Variants in SLC9A8 observed in about 807,000 individuals in gnomAD.
SLC9A8 encodes the protein sodium/hydrogen exchanger 8.
Under a neutral mutation model 66.6 loss-of-function variants are expected in SLC9A8, and 48 were observed. That is an observed-to-expected ratio of 0.72 (90% CI 0.57 to 0.92). The LOEUF is 0.92. Ranked by LOEUF, SLC9A8 falls within the 40% of genes least tolerant of loss-of-function variation. SLC9A8 has a pLI of 0.00. For missense variants in SLC9A8, 599 were observed against 747.3 expected (o/e 0.80, Z 2.31); for synonymous variants, 274 against 282.6 (o/e 0.97, Z 0.31).
At chr20:49,868,777 G>A (rs2089078074) in intron 10 of SLC9A8, among the ~76,000 whole-genome samples, 1 of 152,202 alleles carries the variant, frequency 6.6e-6, no homozygotes, top group African/African-American at 2.4e-5. Context: ...TTGCTGAGGA[G>A]TGGGGAGCGA....
chr20:49,885,431 T>A lies in SLC9A8; in HGVS notation c.1492-1321T>A, dbSNP rs149166956. Reference sequence around the variant, plus strand: ...GCCCAGACCTCTTGGGCTCAAGCGATCCTCCCACCTCAGCCTCTGGAGTAG... The same window carrying A: ...GCCCAGACCTCTTGGGCTCAAGCGAACCTCCCACCTCAGCCTCTGGAGTAG... On this transcript the variant is annotated intron_variant, in intron 14 of 15. Coordinates refer to ENST00000361573, the MANE Select transcript of SLC9A8 (RefSeq NM_015266.3). Among the ~76,000 whole-genome samples the A allele has an allele frequency of 5.2e-4, 79 of 152,284 alleles. No homozygotes were observed. The East Asian group carries it at 0.014, about 28-fold the overall frequency.
Position 49,888,237 on chromosome 20 carries a change from T to G in SLC9A8, c.*301T>G. 1 of 324,694 alleles carries G rather than the reference T, an allele frequency of 3.1e-6. No homozygotes were observed. Among genetic ancestry groups the G allele is most frequent in the Non-Finnish European group, 5.9e-6 (1 of 169,808 alleles). 20.1% of individuals were successfully genotyped at this position (324,694 alleles called of 1,614,324 possible). A position where few individuals can be genotyped will look rare whatever the true frequency, so the allele number is the denominator to read the frequency against. ...GCCAGGTGCCAGTCATCTGTGAAGC[T>G]AGGGCGCCTACCCCCCCACCCGGAG... is the stretch of plus-strand genomic sequence containing the variant. On this transcript the variant is annotated 3_prime_UTR_variant, in exon 16 of 16. Coordinates refer to ENST00000361573, the MANE Select transcript of SLC9A8 (RefSeq NM_015266.3).
chr20:49,857,102 CAG>C (rs1437859803), intron 8 of SLC9A8, among the ~76,000 whole-genome samples: 1 of 152,160 alleles, frequency 6.6e-6, no homozygotes, highest in Admixed American at 6.5e-5. Flanking sequence ...TGCCAAAACA[CAG>C]ATGTTTGAGA....
At chr20:49,847,278 G>A (rs1188145364) in intron 5 of SLC9A8, among the ~76,000 whole-genome samples, 1 of 151,874 alleles carries the variant, frequency 6.6e-6, no homozygotes, top group Non-Finnish European at 1.5e-5. Context: ...AATCTTAACT[G>A]TAAGCAGATA....
intron 4 of SLC9A8, among the ~76,000 whole-genome samples, chr20:49,843,761 G>T (rs1388133537): frequency 6.6e-6 from 1 of 152,152 alleles, no homozygotes; most frequent in South Asian, 2.1e-4. Context: ...TGGAAGCATG[G>T]TGCTATGGTT....
chr20:49,855,842 G>C (rs1416419647), intron 8 of SLC9A8, among the ~76,000 whole-genome samples: 2 of 152,130 alleles, frequency 1.3e-5, no homozygotes, highest in Non-Finnish European at 2.9e-5. Context: ...CCAAGCTGGA[G>C]TGCAGTGGCT....
At chr20:49,840,465 G>A (rs2087715119) in intron 4 of SLC9A8, among the ~76,000 whole-genome samples, 1 of 152,152 alleles carries the variant, frequency 6.6e-6, no homozygotes, top group Non-Finnish European at 1.5e-5. Flanking sequence ...GAAGCTCCTA[G>A]GTGCTAGGAT....
chr20:49,820,724 T>G (rs992251223), intron 2 of SLC9A8, among the ~76,000 whole-genome samples: 1 of 151,936 alleles, frequency 6.6e-6, no homozygotes, highest in Non-Finnish European at 1.5e-5. Flanking sequence ...TTTTGTATTT[T>G]TAGTAGAGAC....
At chr20:49,857,177 G>A (rs73271134) in intron 8 of SLC9A8, among the ~76,000 whole-genome samples, 2,768 of 152,228 alleles carry the variant, frequency 0.018, 84 homozygotes, top group African/African-American at 0.06. Context: ...TCCAAAGCAC[G>A]TGGAGAAAAG....
At chr20:49,836,172 A>G (rs181895542) in intron 3 of SLC9A8, among the ~76,000 whole-genome samples, 33 of 152,268 alleles carry the variant, frequency 2.2e-4, no homozygotes, top group African/African-American at 7.2e-4. Flanking sequence ...GGTAAAATAT[A>G]TGGTCTTTTG....
At chr20:49,864,619 A>G (rs2088886190) in intron 9 of SLC9A8, 120 bp from the exon 10 acceptor site, 3 of 680,718 alleles carry the variant, frequency 4.4e-6, no homozygotes, top group Non-Finnish European at 7.9e-6. Flanking sequence ...TAACCTTGGG[A>G]CATTCTAAAA....
At chr20:49,851,748 G>T (rs533378767) in intron 7 of SLC9A8, among the ~76,000 whole-genome samples, 3 of 152,188 alleles carry the variant, frequency 2.0e-5, no homozygotes, top group African/African-American at 2.4e-5. Flanking sequence ...AGCTTTTGTT[G>T]TAAGACAGTT....
At chr20:49,844,835 TAATAA>T (rs886564023) in intron 4 of SLC9A8, among the ~76,000 whole-genome samples, 196 bp from the exon 5 acceptor site, 1 of 150,794 alleles carries the variant, frequency 6.6e-6, no homozygotes, top group African/African-American at 2.4e-5. Flanking sequence ...ATGATAAAAA[TAATAA>T]AATACAGTTT....
At chr20:49,845,733 C>T (rs1336324170) in intron 5 of SLC9A8, among the ~76,000 whole-genome samples, 2 of 152,250 alleles carry the variant, frequency 1.3e-5, no homozygotes, top group African/African-American at 2.4e-5. Context: ...ATTCTTTCCT[C>T]CCTGCCTTGG....
intron 5 of SLC9A8, among the ~76,000 whole-genome samples, chr20:49,846,064 C>T (rs1296221219): frequency 6.6e-6 from 1 of 152,136 alleles, no homozygotes; most frequent in Non-Finnish European, 1.5e-5. Context: ...GTCTCGAACT[C>T]CTGACCTCAA....
At position 49,870,122 on chromosome 20, in the gene SLC9A8, A is replaced by C. The variant is rs143641528; in HGVS notation, c.959-4583A>C. 3.9e-3 allele frequency among the ~76,000 whole-genome samples: 596 copies of C among 152,360 alleles called. 6 individuals carry two copies. The highest frequency in any genetic ancestry group is 0.014 in the African/African-American group (573 of 41,578). ...AAATTTTTTAAAAGTAAGTTGAAAAATCAAACTCTCGCCCATTCAAGAAAT... is the reference window on the plus strand; with the variant it reads ...AAATTTTTTAAAAGTAAGTTGAAAACTCAAACTCTCGCCCATTCAAGAAAT... On this transcript the variant is annotated intron_variant, in intron 10 of 15. Coordinates refer to ENST00000361573, the MANE Select transcript of SLC9A8 (RefSeq NM_015266.3).
intron 4 of SLC9A8, among the ~76,000 whole-genome samples, chr20:49,842,228 C>T (rs1471831451): frequency 6.6e-6 from 1 of 151,398 alleles, no homozygotes; most frequent in African/African-American, 2.4e-5. Flanking sequence ...TGCCACCACG[C>T]CCGGCTAATT....
At position 49,891,848 on chromosome 20, in the gene SLC9A8, ATCTTGAATCGT is replaced by A. The variant is rs2090051261; in HGVS notation, c.*3913_*3923del. 6.6e-6 allele frequency: 1 copy of A among 152,250 alleles called. No homozygotes were observed. The highest frequency in any genetic ancestry group is 6.5e-5 in the Admixed American group (1 of 15,278). 9.4% of individuals were successfully genotyped at this position (152,250 alleles called of 1,614,324 possible). ...GGTTTCTCCAAGTAAGGATCTGCAAATCTTGAATCGTCCTCAAAATGACGAAGCTTGAATTG... is the reference window on the plus strand; with the variant it reads ...GGTTTCTCCAAGTAAGGATCTGCAAACCTCAAAATGACGAAGCTTGAATTG... On this transcript the variant is annotated 3_prime_UTR_variant, in exon 16 of 16. Transcript: ENST00000361573.
At chr20:49,885,084 C>T (rs2089840720) in intron 14 of SLC9A8, among the ~76,000 whole-genome samples, 1 of 152,254 alleles carries the variant, frequency 6.6e-6, no homozygotes, top group Non-Finnish European at 1.5e-5. Context: ...GGCCCCTCAC[C>T]CAGTGCAGTG....
Sources: gnomAD v4.1 joint callset for allele counts (sites outside exome capture counted in the v4.1 genomes callset) on GRCh38, gnomAD v4.1.1 for gene constraint, MANE v1.5 for transcripts, NCBI Gene and HGNC (gene_info 2026-07-23, HGNC 2026-07-21) for gene names.